Variants in CUX2 observed in about 807,000 individuals in gnomAD.
The protein encoded by CUX2 is cut like homeobox 2.
A neutral mutation model predicts 144.8 loss-of-function variants in CUX2; 40 were observed. That is an observed-to-expected ratio of 0.28 (90% CI 0.21 to 0.36). The LOEUF (loss-of-function observed/expected upper bound fraction) is 0.36, where lower values mean the gene tolerates loss of function less well. Ranked by LOEUF, CUX2 falls within the 10% of genes least tolerant of loss-of-function variation. The probability of loss-of-function intolerance (pLI) is 1.00; values close to 1 mark genes in which losing one functional copy is unlikely to be tolerated. For synonymous variants in CUX2, 827 were observed against 875.6 expected (o/e 0.94, Z 0.98); for missense variants, 1,615 against 1,994.0 (o/e 0.81, Z 3.62).
rs1870600986 is a variant in CUX2 at position 111,057,906 on chromosome 12, G to A, written c.63+23666G>A. 1.3e-5 allele frequency among the ~76,000 whole-genome samples: 2 copies of A among 152,056 alleles called. No homozygotes were observed. The highest frequency in any genetic ancestry group is 2.4e-5 in the African/African-American group (1 of 41,406). On this transcript the variant is annotated intron_variant, in intron 1 of 21. Transcript: ENST00000261726. This position sits in a 1 kb window ranked among gnomAD's most constrained non-coding sequence, Gnocchi z 5.1. ...GGGGACGCCTGGGTAATGACTGAAC[G>A]CGCTAACTCCGTTAGCAGCCCTGGA...
At chr12:111,330,163 C>T (rs1206947587) in intron 18 of CUX2, among the ~76,000 whole-genome samples, 1 of 152,206 alleles carries the variant, frequency 6.6e-6, no homozygotes, top group South Asian at 2.1e-4. Flanking sequence ...CAGTAGACTT[C>T]TTGAGACCTC....
At chr12:111,346,778 C>T (rs906597764) in intron 21 of CUX2, among the ~76,000 whole-genome samples, 2 of 152,126 alleles carry the variant, frequency 1.3e-5, no homozygotes, top group Non-Finnish European at 2.9e-5. Context: ...TTGGGGAGGC[C>T]AAGGTGGGTG....
chr12:111,306,326 G>GTT (rs35872348), intron 10 of CUX2, among the ~76,000 whole-genome samples: 20 of 141,426 alleles, frequency 1.4e-4, no homozygotes, highest in African/African-American at 3.8e-4. Flanking sequence ...TGTTTGTTTG[G>GTT]TTTTTTTTTT....
intron 8 of CUX2, among the ~76,000 whole-genome samples, chr12:111,296,923 T>A (rs1427072909): frequency 7.6e-6 from 1 of 131,006 alleles, no homozygotes; most frequent in Non-Finnish European, 1.6e-5. Flanking sequence ...GACCCTCCAG[T>A]ACTTGCCTCC....
intron 1 of CUX2, among the ~76,000 whole-genome samples, chr12:111,152,324 G>A (rs544141794): frequency 1.3e-5 from 2 of 151,980 alleles, no homozygotes; most frequent in Admixed American, 1.3e-4. Context: ...TAAAAAGAAA[G>A]GCTCAAAACC....
At chr12:111,234,809 C>T (rs992959354) in intron 3 of CUX2, among the ~76,000 whole-genome samples, 6 of 151,788 alleles carry the variant, frequency 4.0e-5, no homozygotes, top group African/African-American at 1.2e-4. Flanking sequence ...ACCTCTGCCT[C>T]CCAGGCTCAA....
chr12:111,307,039 A>G lies in CUX2; in HGVS notation c.977A>G (p.Glu326Gly), dbSNP rs768311870. 35 of 1,613,630 alleles carry G rather than the reference A, an allele frequency of 2.2e-5. No individual in the cohort carries two copies. The highest frequency in any genetic ancestry group is 2.5e-5 in the Non-Finnish European group (30 of 1,179,844). Residue 326 changes from glutamate (E) to glycine (G), a missense_variant, in exon 11 of 22, where the codon GAG (glutamate) becomes GGG (glycine). Around this residue, in one of 12 missense-constraint regions of CUX2, gnomAD observed 295 missense variants for 400.2 expected, o/e 0.74. Transcript: ENST00000261726. This position sits in a 1 kb window ranked among gnomAD's most constrained non-coding sequence, Gnocchi z 4.1. ...CAGCACCTCCAGAGCTCACTGCAGG[A>G]GCTGGAGGAGGCATCCGCCAACCAG... The part of the protein sequence containing the change: ...DVQHLQSSLQ[E>G]LEEASANQIA...
intron 1 of CUX2, among the ~76,000 whole-genome samples, chr12:111,195,663 T>C (rs1225394902): frequency 1.3e-5 from 2 of 152,186 alleles, no homozygotes; most frequent in Admixed American, 6.5e-5. Flanking sequence ...ATCTGTGACA[T>C]GGGGATACTG....
chr12:111,093,896 G>A (rs1188399800), intron 1 of CUX2, among the ~76,000 whole-genome samples: 2 of 152,212 alleles, frequency 1.3e-5, no homozygotes, highest in African/African-American at 4.8e-5. Context: ...CCTTTGTGCG[G>A]ATCTCAAGCT....
chr12:111,060,191 G>A (rs7316775), intron 1 of CUX2, among the ~76,000 whole-genome samples: 2,158 of 152,198 alleles, frequency 0.014, 53 homozygotes, highest in African/African-American at 0.048. Context: ...GAGGCTGGTC[G>A]TGAGCACCTC....
At chr12:111,323,734 G>A (rs749007037) in intron 18 of CUX2, among the ~76,000 whole-genome samples, 3 of 151,740 alleles carry the variant, frequency 2.0e-5, no homozygotes, top group Non-Finnish European at 2.9e-5. Context: ...ACTGCACTCC[G>A]GCTTGGGTGA....
rs1272524564 is a variant in CUX2, at chr12:111,090,806, G to A, written c.63+56566G>A. The stretch of plus-strand genomic sequence containing the variant: ...GCCACCAACCCATCAGCTGAACAGA[G>A]ATGCTACTTCTCACTCTCTCTGTTT... On this transcript the variant is annotated intron_variant, in intron 1 of 21. Transcript: ENST00000261726. 2.0e-5 allele frequency among the ~76,000 whole-genome samples: 3 copies of A among 151,986 alleles called. No individual in the cohort carries two copies. In the East Asian group the frequency reaches 5.8e-4, roughly 29 times the overall value.
Position 111,306,970 on chromosome 12 carries a change from T to C in CUX2, c.908T>C (p.Leu303Pro). 6.2e-7 allele frequency: 1 copy of C among 1,613,560 alleles called. No individual in the cohort carries two copies. Among genetic ancestry groups the C allele is most frequent in the East Asian group, 2.2e-5 (1 of 44,840 alleles). ...LCSGPRLEAA[L>P]ASKDREILRL... The stretch of plus-strand genomic sequence containing the variant: ...TCGGGCCCTCGGCTGGAGGCCGCGC[T>C]GGCCTCCAAGGACAGGGAGATCCTG... Residue 303 changes from leucine to proline, a missense_variant, in exon 11 of 22, where the codon CTG becomes CCG. Leu to Pro is a moderately conservative substitution (Grantham distance 98, BLOSUM62 -3). Coordinates refer to ENST00000261726, the MANE Select transcript of CUX2 (RefSeq NM_015267.4).
chr12:111,203,603 G>T (rs1192890625), intron 1 of CUX2, among the ~76,000 whole-genome samples: 1 of 152,006 alleles, frequency 6.6e-6, no homozygotes, highest in Non-Finnish European at 1.5e-5. Flanking sequence ...GCCTGGAGCA[G>T]AGTGGGCCGG....
At chr12:111,227,717 A>G (rs56119815) in intron 3 of CUX2, among the ~76,000 whole-genome samples, 34,647 of 152,008 alleles carry the variant, frequency 0.23, 5,051 homozygotes, top group East Asian at 0.6. Flanking sequence ...GCTCCCCTAG[A>G]GGGCACACCC....
chr12:111,138,843 G>A (rs1260255917), intron 1 of CUX2, among the ~76,000 whole-genome samples: 1 of 152,006 alleles, frequency 6.6e-6, no homozygotes, highest in Non-Finnish European at 1.5e-5. Flanking sequence ...CCTCAAGTTG[G>A]GACTGCACTA....
chr12:111,184,007 C>CT (rs1879355229), intron 1 of CUX2, among the ~76,000 whole-genome samples: 1 of 152,160 alleles, frequency 6.6e-6, no homozygotes, highest in Non-Finnish European at 1.5e-5. Context: ...TATCCTCTGC[C>CT]TTTTCCCTTT....
At chr12:111,177,309 C>T (rs886628458) in intron 1 of CUX2, among the ~76,000 whole-genome samples, 1 of 152,128 alleles carries the variant, frequency 6.6e-6, no homozygotes, top group Non-Finnish European at 1.5e-5. Flanking sequence ...ACTTTTCCCC[C>T]CTGCAGCCAT....
chr12:111,226,819 A>G (rs1301112764), intron 3 of CUX2, among the ~76,000 whole-genome samples: 2 of 152,246 alleles, frequency 1.3e-5, no homozygotes, highest in African/African-American at 4.8e-5. Flanking sequence ...TGGCAGTAAC[A>G]TTCCCGCACA....
Sources: gnomAD v4.1 joint callset for allele counts (sites outside exome capture counted in the v4.1 genomes callset) on GRCh38, gnomAD v4.1.1 for gene constraint, gnomAD v4.1.1 regional missense constraint, Gnocchi (gnomAD v3.1) non-coding constraint, MANE v1.5 for transcripts, NCBI Gene and HGNC (gene_info 2026-07-23, HGNC 2026-07-21) for gene names.